SEC16A: variants seen among roughly 807,000 people sequenced by gnomAD.
SEC16A encodes the protein protein transport protein Sec16A.
Under a neutral mutation model 221.9 loss-of-function variants are expected in SEC16A, and 110 were observed. The ratio of observed to expected loss-of-function variants is 0.50; its 90% confidence interval spans 0.42 to 0.58. The LOEUF is 0.58. Among genes scored for constraint, SEC16A ranks in the 20% least tolerant of loss-of-function variants. The pLI is 0.00. For missense variants in SEC16A, 3,165 were observed against 3,097.8 expected (o/e 1.02, Z -0.52); for synonymous variants, 1,393 against 1,257.7 (o/e 1.11, Z -2.28).
intron 3 of SEC16A, among the ~76,000 whole-genome samples, chr9:136,473,656 G>A (rs898762591): frequency 7.9e-5 from 12 of 152,236 alleles, no homozygotes; most frequent in African/African-American, 1.7e-4. Context: ...TGCTTCTGAC[G>A]TAAGCTTCCA....
At position 136,454,198 on chromosome 9, in the gene SEC16A, A is replaced by G. The variant is rs759036202; in HGVS notation, c.5987T>C (p.Leu1996Pro). The G allele has an allele frequency of 2.4e-5, 37 of 1,562,816 alleles. No individual in the cohort carries two copies. The South Asian group carries it at 4.4e-4, about 18-fold the overall frequency. The change falls in exon 21 of 32, where the codon CTG becomes CCG. Residue 1996 changes from leucine (L) to proline (P), a missense_variant. Physicochemically the swap from Leu to Pro is moderately conservative, Grantham distance 98. This residue lies in a region of SEC16A where 1,088 missense variants were observed against 1,089.6 expected (regional missense o/e 1.00). Coordinates refer to ENST00000684901, the MANE Select transcript of SEC16A (RefSeq NM_014866.2). ...TGGGAGGCCAGGCCCGGAGGGCTCC[A>G]GGAAGCCAAGTGCAGGCCCTGGGGT... ...CVTPGPALGF[L>P]EPSGPGLPPG...
intron 11 of SEC16A, 78 bp downstream of exon 11, chr9:136,463,385 C>T: frequency 6.4e-7 from 1 of 1,558,694 alleles, no homozygotes; most frequent in Non-Finnish European, 8.7e-7. Context: ...CCGCCCTGCT[C>T]CTTCGGGAGG....
intron 23 of SEC16A, among the ~76,000 whole-genome samples, chr9:136,449,294 A>G (rs1304247939): frequency 1.3e-5 from 2 of 152,206 alleles, no homozygotes; most frequent in Admixed American, 6.5e-5. Flanking sequence ...TCTGTCCCCC[A>G]GGCTGGAGTG....
intron 23 of SEC16A, chr9:136,448,689 A>T (rs752709758): frequency 1.2e-4 from 85 of 708,094 alleles, no homozygotes; most frequent in Middle Eastern, 2.3e-4. Flanking sequence ...GCAGATCCAG[A>T]GACACCAGGA....
rs1289205763 is a variant in SEC16A at position 136,475,067 on chromosome 9, G to A, written c.2549C>T (p.Ser850Leu). The change falls in exon 3 of 32, where the codon TCG becomes TTG. Residue 850 changes from serine to leucine, a missense_variant. Physicochemically the swap from Ser to Leu is moderately radical, Grantham distance 145. Coordinates refer to ENST00000684901, the MANE Select transcript of SEC16A (RefSeq NM_014866.2). This position sits in a 1 kb window ranked among gnomAD's most constrained non-coding sequence, Gnocchi z 5.0. ...GGACTGATTCTTCTCATGAGAGTTCGATAAGGACACAGAAAAGTTAATGGG... is the reference window on the plus strand; with the variant it reads ...GGACTGATTCTTCTCATGAGAGTTCAATAAGGACACAGAAAAGTTAATGGG... Reference protein sequence around the residue: ...AQPINFSVSLSNSHEKNQSWR... With the variant: ...AQPINFSVSLLNSHEKNQSWR... The A allele has an allele frequency of 5.7e-5, 92 of 1,613,560 alleles. No homozygotes were observed. Among genetic ancestry groups the A allele is most frequent in the Non-Finnish European group, 7.6e-5 (90 of 1,179,840 alleles).
rs200320125 is a variant in SEC16A at position 136,474,070 on chromosome 9, G to A, written c.3546C>T (p.Gly1182=). The A allele has an allele frequency of 5.2e-5, 83 of 1,605,016 alleles. No individual in the cohort carries two copies. Among genetic ancestry groups the A allele is most frequent in the Non-Finnish European group, 6.0e-5 (71 of 1,174,440 alleles). ...QYSLPYPPEP[G]AASLYYQDVY... is the part of the protein sequence containing the mutation. ...TTACCTGGTAATAGAGGGAGGCTGC[G>A]CCAGGCTCCGGTGGGTACGGCAAAG... Residue 1182 remains glycine, a synonymous_variant, in exon 3 of 32, where the codon GGC becomes GGT. Coordinates refer to ENST00000684901, the MANE Select transcript of SEC16A (RefSeq NM_014866.2).
Position 136,474,916 on chromosome 9 carries a change from G to A in SEC16A, c.2700C>T (p.Ser900=). 1 of 1,613,874 alleles carries A rather than the reference G, an allele frequency of 6.2e-7. No individual in the cohort carries two copies. Among genetic ancestry groups the A allele is most frequent in the South Asian group, 1.1e-5 (1 of 91,078 alleles). Reference sequence around the variant, plus strand: ...GTGGAAAATTACTTTGGGCAACACTGCTAGGCAGAGACAAGCTAAGGACAG... The same window carrying A: ...GTGGAAAATTACTTTGGGCAACACTACTAGGCAGAGACAAGCTAAGGACAG... ...TSSVLSLSLP[S]SVAQSNFPQG... The change falls in exon 3 of 32, where the codon AGC becomes AGT. Residue 900 remains serine (S), a synonymous_variant. Transcript: ENST00000684901.
Position 136,477,245 on chromosome 9 carries a change from A to G in SEC16A, c.371T>C (p.Phe124Ser). ...TGCTGAAGGTGTCAATGCACCAGAAAACGGACTGGCATGTGCTCTGGGCTG... is the reference window on the plus strand; with the variant it reads ...TGCTGAAGGTGTCAATGCACCAGAAGACGGACTGGCATGTGCTCTGGGCTG... ...LTQPRAHASP[F>S]SGALTPSAPP... is the part of the protein sequence containing the mutation. The change falls in exon 3 of 32, where the codon TTT becomes TCT. Residue 124 changes from phenylalanine to serine, a missense_variant. Phe to Ser is a radical substitution (Grantham distance 155, BLOSUM62 -2). Coordinates refer to ENST00000684901, the MANE Select transcript of SEC16A (RefSeq NM_014866.2). The G allele has an allele frequency of 6.2e-7, 1 of 1,613,874 alleles. No homozygotes were observed. Among genetic ancestry groups the G allele is most frequent in the East Asian group, 2.2e-5 (1 of 44,888 alleles).
At position 136,446,865 on chromosome 9, in the gene SEC16A, G is replaced by A. The variant is rs1837066854; in HGVS notation, c.6782C>T (p.Pro2261Leu). The part of the protein sequence containing the change: ...ARGLANPEPA[P>L]EPKVLSSAAS... ...ACCGTACCCGCTCACCTTGGGCTCT[G>A]GGGCAGGCTCTGGATTGGCCAGGCC... The change falls in exon 28 of 32, where the codon CCA becomes CTA. Residue 2261 changes from proline to leucine, a missense_variant. Coordinates refer to ENST00000684901, the MANE Select transcript of SEC16A (RefSeq NM_014866.2). 1.9e-6 allele frequency: 3 copies of A among 1,606,322 alleles called. No homozygotes were observed. The highest frequency in any genetic ancestry group is 2.5e-6 in the Non-Finnish European group (3 of 1,177,354).
chr9:136,452,198 C>T lies in SEC16A; in HGVS notation c.6160-790G>A, dbSNP rs950721612. On this transcript the variant is annotated intron_variant, in intron 22 of 31. Transcript: ENST00000684901. ...GCGGGGTGGCTCATGCCTGTAATCC[C>T]AGCACTTTGGGAGGCTGAGGCAGGT... Among the ~76,000 whole-genome samples the T allele has an allele frequency of 2.6e-5, 4 of 152,030 alleles. No homozygotes were observed. The East Asian group carries it at 7.7e-4, about 29-fold the overall frequency.
rs370460222 is a variant in SEC16A, at chr9:136,467,033, G to A, written c.3853C>T (p.Arg1285Cys). ...YHYSARVRDPRTYDRRYWCDA... is the reference protein window; with the variant it reads ...YHYSARVRDPCTYDRRYWCDA... ...CACCAATACCTCCGGTCATAGGTGC[G>A]GGGGTCCCTGACTCTAGCACTGTAG... Residue 1285 changes from arginine (R) to cysteine (C), a missense_variant, in exon 6 of 32, where the codon CGC (arginine) becomes TGC (cysteine). Physicochemically the swap from Arg to Cys is radical, Grantham distance 180 (BLOSUM62 -3). Coordinates refer to ENST00000684901, the MANE Select transcript of SEC16A (RefSeq NM_014866.2). The A allele has an allele frequency of 1.5e-5, 25 of 1,613,750 alleles. No homozygotes were observed. Among genetic ancestry groups the A allele is most frequent in the African/African-American group, 2.7e-5 (2 of 74,926 alleles).
chr9:136,475,455 G>T lies in SEC16A; in HGVS notation c.2161C>A (p.Pro721Thr). 1 of 1,609,700 alleles carries T rather than the reference G, an allele frequency of 6.2e-7. No homozygotes were observed. Among genetic ancestry groups the T allele is most frequent in the Non-Finnish European group, 8.5e-7 (1 of 1,177,276 alleles). The change falls in exon 3 of 32, where the codon CCA (proline) becomes ACA (threonine). Residue 721 changes from proline (P) to threonine (T), a missense_variant. Physicochemically the swap from Pro to Thr is conservative, Grantham distance 38. Around this residue, in one of 3 missense-constraint regions of SEC16A, gnomAD observed 2,030 missense variants for 1,923.1 expected, o/e 1.06. Coordinates refer to ENST00000684901, the MANE Select transcript of SEC16A (RefSeq NM_014866.2). The surrounding 1 kb of genome is among the most constrained non-coding windows in gnomAD (Gnocchi z 5.0). ...CTTTGCGCCCACAGAGTCGTTGCTG[G>T]GCTCTCACACTTCACGGGCCCCTGG... ...RTQGPVKCES[P>T]ATTLWAQSEL...
At chr9:136,478,180 G>A (rs1445671278) in intron 2 of SEC16A, among the ~76,000 whole-genome samples, 2 of 152,198 alleles carry the variant, frequency 1.3e-5, no homozygotes, top group African/African-American at 2.4e-5. Context: ...CAAGGCGGGA[G>A]GACCACTTGA....
In SEC16A at chr9:136,477,466, C is replaced by A; in HGVS notation, c.150G>T (p.Pro50=). The A allele has an allele frequency of 6.2e-7, 1 of 1,613,976 alleles. No homozygotes were observed. Among genetic ancestry groups the A allele is most frequent in the Non-Finnish European group, 8.5e-7 (1 of 1,179,896 alleles). The change falls in exon 3 of 32, where the codon CCG becomes CCT. Residue 50 remains proline, a synonymous_variant. Coordinates refer to ENST00000684901, the MANE Select transcript of SEC16A (RefSeq NM_014866.2). The part of the protein sequence containing the change: ...AVAPTTCPLQ[P]VTDPFAFSRQ... Reference sequence around the variant, plus strand: ...TACTAAAAGCAAATGGATCCGTGACCGGCTGCAACGGGCAAGTTGTCGGAG... The same window carrying A: ...TACTAAAAGCAAATGGATCCGTGACAGGCTGCAACGGGCAAGTTGTCGGAG...
In SEC16A at chr9:136,463,479, A is replaced by G; in HGVS notation, c.4631T>C (p.Leu1544Ser). Residue 1544 changes from leucine to serine, a missense_variant, in exon 11 of 32, where the codon TTA becomes TCA. Physicochemically the swap from Leu to Ser is moderately radical, Grantham distance 145 (BLOSUM62 -2). This residue lies in a region of SEC16A where 1,088 missense variants were observed against 1,089.6 expected (regional missense o/e 1.00). Coordinates refer to ENST00000684901, the MANE Select transcript of SEC16A (RefSeq NM_014866.2). ...GAAACATACCCCATTTTGTCTGCAT[A>G]AGAGAACAATAAAATTCCAAAGAAG... ...ASLLWNFIVLLCRQNGTVVGT... is the reference protein window; with the variant it reads ...ASLLWNFIVLSCRQNGTVVGT... 3.7e-6 allele frequency: 6 copies of G among 1,613,820 alleles called. No homozygotes were observed. Among genetic ancestry groups the G allele is most frequent in the Non-Finnish European group, 5.1e-6 (6 of 1,179,834 alleles).
intron 21 of SEC16A, among the ~76,000 whole-genome samples, 153 bp from the exon 22 acceptor site, chr9:136,453,663 T>TTCCCACATGAA (rs1838196818): frequency 6.6e-6 from 1 of 151,938 alleles, no homozygotes; most frequent in South Asian, 2.1e-4. Flanking sequence ...TTCCCACATG[T>TTCCCACATGAA]GTGCACACTC....
chr9:136,483,599 G>C (rs940086315), upstream of SEC16A: 1 of 985,288 alleles, frequency 1.0e-6, no homozygotes, highest in East Asian at 1.1e-4. Flanking sequence ...CTTTCTCCCA[G>C]TCTTTTTTCG....
Position 136,475,020 on chromosome 9 carries a change from C to T in SEC16A, c.2596G>A (p.Asp866Asn). The T allele has an allele frequency of 6.2e-7, 1 of 1,613,636 alleles. No individual in the cohort carries two copies. Among genetic ancestry groups the T allele is most frequent in the Non-Finnish European group, 8.5e-7 (1 of 1,179,844 alleles). Reference protein sequence around the residue: ...NQSWREALVGDRPAVSSWALG... With the variant: ...NQSWREALVGNRPAVSSWALG... ...GCCCAACTGCTGACTGCAGGTCTATCCCCCACCAAAGCCTCTCTCCAGGAC... is the reference window on the plus strand; with the variant it reads ...GCCCAACTGCTGACTGCAGGTCTATTCCCCACCAAAGCCTCTCTCCAGGAC... Residue 866 changes from aspartate to asparagine, a missense_variant, in exon 3 of 32, where the codon GAT (aspartate) becomes AAT (asparagine). By Grantham distance (23) the Asp-to-Asn change is conservative (BLOSUM62 1). Around this residue, in one of 3 missense-constraint regions of SEC16A, gnomAD observed 2,030 missense variants for 1,923.1 expected, o/e 1.06. Coordinates refer to ENST00000684901, the MANE Select transcript of SEC16A (RefSeq NM_014866.2). This position sits in a 1 kb window ranked among gnomAD's most constrained non-coding sequence, Gnocchi z 5.0.
intron 5 of SEC16A, 142 bp from the exon 6 acceptor site, chr9:136,467,225 C>G (rs141221323): frequency 6.5e-6 from 6 of 922,646 alleles, no homozygotes; most frequent in Non-Finnish European, 9.7e-6. Flanking sequence ...GAAACCAGCA[C>G]GACACCAGGA....
Sources: allele counts gnomAD v4.1 joint callset (sites outside exome capture counted in the v4.1 genomes callset), GRCh38; gene constraint gnomAD v4.1.1; regional missense constraint gnomAD v4.1.1; non-coding constraint Gnocchi (gnomAD v3.1); transcripts MANE v1.5; gene names NCBI Gene and HGNC (gene_info 2026-07-23, HGNC 2026-07-21).